The following ZNF716 variants were observed in gnomAD, a reference collection of about 807,000 sequenced individuals.
ZNF716 encodes the protein zinc finger protein 716.
In ZNF716, 9 loss-of-function variants were observed where a neutral mutation model predicts 13.4. That is an observed-to-expected ratio of 0.67 (90% CI 0.41 to 1.18). The LOEUF (loss-of-function observed/expected upper bound fraction) is 1.18. Ranked by LOEUF, ZNF716 falls within the 50% of genes most tolerant of loss-of-function variation. ZNF716 has a pLI of 0.01. For missense variants in ZNF716, 581 were observed against 576.6 expected (o/e 1.01, Z -0.08); for synonymous variants, 186 against 195.2 (o/e 0.95, Z 0.39).
intron 1 of ZNF716, among the ~76,000 whole-genome samples, chr7:57,458,856 T>C (rs1789652839): frequency 6.6e-6 from 1 of 152,250 alleles, no homozygotes; most frequent in Non-Finnish European, 1.5e-5. Context: ...TCTTTTTGAA[T>C]TCTTTTAATT....
At chr7:57,461,288 A>G (rs1215957759) in intron 1 of ZNF716, among the ~76,000 whole-genome samples, 8 of 152,124 alleles carry the variant, frequency 5.3e-5, no homozygotes, top group Non-Finnish European at 1.0e-4. Context: ...TAAAATATAT[A>G]TAGTTACAAT....
chr7:57,452,006 A>C (rs531783175), intron 1 of ZNF716, among the ~76,000 whole-genome samples: 4 of 152,142 alleles, frequency 2.6e-5, no homozygotes, highest in Non-Finnish European at 5.9e-5. Flanking sequence ...ACCTCAGGTG[A>C]TCTGGCCATC....
Position 57,468,953 on chromosome 7 carries a change from A to C in ZNF716, c.492A>C (p.Lys164Asn), listed in dbSNP as rs782720409. Reference sequence around the variant, plus strand: ...CATTTCAGACTCATAAATGCGTCAAAGTCTTTGGTAAATTTTCAAATTCCA... The same window carrying C: ...CATTTCAGACTCATAAATGCGTCAACGTCTTTGGTAAATTTTCAAATTCCA... ...NKTFQTHKCV[K>N]VFGKFSNSNR... The change falls in exon 4 of 4, where the codon AAA (lysine) becomes AAC (asparagine). Residue 164 changes from lysine to asparagine, a missense_variant. Physicochemically the swap from Lys to Asn is moderately conservative, Grantham distance 94. Coordinates refer to ENST00000420713, the MANE Select transcript of ZNF716 (RefSeq NM_001159279.1). 1.2e-5 allele frequency: 19 copies of C among 1,609,728 alleles called. No homozygotes were observed. The highest frequency in any genetic ancestry group is 1.4e-5 in the Non-Finnish European group (17 of 1,177,654).
At position 57,468,798 on chromosome 7, in the gene ZNF716, A is replaced by G; in HGVS notation, c.337A>G (p.Arg113Gly). 6.2e-7 allele frequency: 1 copy of G among 1,613,714 alleles called. No individual in the cohort carries two copies. The change falls in exon 4 of 4, where the codon AGA becomes GGA. Residue 113 changes from arginine to glycine, a missense_variant. Physicochemically the swap from Arg to Gly is moderately radical, Grantham distance 125. Transcript: ENST00000420713. ...IKDSLQKVIL[R>G]RYGKCGQEDL... The stretch of plus-strand genomic sequence containing the variant: ...AGATTCACTCCAAAAAGTGATACTG[A>G]GAAGATATGGAAAATGTGGACAGGA...
At chr7:57,459,304 C>CTTAATAAACATTGTA in intron 1 of ZNF716, among the ~76,000 whole-genome samples, 1 of 147,626 alleles carries the variant, frequency 6.8e-6, no homozygotes, top group South Asian at 2.2e-4. Flanking sequence ...ACAGTACCTG[C>CTTAATAAACATTGTA]TTAGTACATG....
chr7:57,451,602 C>T (rs1386153633), intron 1 of ZNF716, among the ~76,000 whole-genome samples: 5 of 151,644 alleles, frequency 3.3e-5, no homozygotes, highest in Non-Finnish European at 7.4e-5. Flanking sequence ...CACCCGCCAC[C>T]ATGCCTGGCT....
chr7:57,468,593 G>T, intron 3 of ZNF716, 131 bp from the exon 4 acceptor site: 1 of 905,832 alleles, frequency 1.1e-6, no homozygotes, highest in East Asian at 2.8e-5. Flanking sequence ...ATCTATGAAG[G>T]AATTACGGCT....
In ZNF716 at chr7:57,463,580, T is replaced by A. The variant is rs144126117; in HGVS notation, c.262+412T>A. 3.7e-3 allele frequency among the ~76,000 whole-genome samples: 565 copies of A among 152,288 alleles called. 6 individuals carry two copies. Among genetic ancestry groups the A allele is most frequent in the African/African-American group, 0.013 (530 of 41,570 alleles). ...TAGTAGTTTCTGTTTCATTGGAGGT[T>A]GTCCATTTTTCTGCACATGCCATTC... On this transcript the variant is annotated intron_variant, in intron 3 of 3. Coordinates refer to ENST00000420713, the MANE Select transcript of ZNF716 (RefSeq NM_001159279.1).
intron 1 of ZNF716, among the ~76,000 whole-genome samples, chr7:57,458,652 AC>A (rs1361033874): frequency 6.6e-6 from 1 of 152,068 alleles, no homozygotes; most frequent in Non-Finnish European, 1.5e-5. Context: ...GGAACTCCTG[AC>A]CTTGTGATCC....
intron 3 of ZNF716, among the ~76,000 whole-genome samples, chr7:57,464,983 A>G (rs10251827): frequency 0.012 from 1,831 of 152,200 alleles, 43 homozygotes; most frequent in African/African-American, 0.042. Context: ...GCAGCTTTTT[A>G]TTATGATTTG....
Position 57,469,158 on chromosome 7 carries a change from AG to A in ZNF716, c.698del (p.Arg233LysfsTer112), listed in dbSNP as rs782115394. The A allele has an allele frequency of 7.8e-5, 126 of 1,612,108 alleles. 1 individual carries two copies. The highest frequency in any genetic ancestry group is 9.7e-5 in the Non-Finnish European group (114 of 1,179,088). On this transcript the variant is annotated frameshift_variant, in exon 4 of 4. Coordinates refer to ENST00000420713, the MANE Select transcript of ZNF716 (RefSeq NM_001159279.1). LOFTEE classifies it low-confidence loss of function (END_TRUNC). ...NCSSTLTRHK[R>X]IHTGEKPYRC... ...CTCTTCAACCCTTACTAGACATAAA[AG>A]AATTCATACTGGAGAGAAACCCTAC...
At chr7:57,465,753 A>G (rs1789797453) in intron 3 of ZNF716, among the ~76,000 whole-genome samples, 1 of 152,188 alleles carries the variant, frequency 6.6e-6, no homozygotes, top group Non-Finnish European at 1.5e-5. Flanking sequence ...TTGCGGCACT[A>G]TTCACAATAG....
At position 57,469,929 on chromosome 7, in the gene ZNF716, A is replaced by C. The variant is rs782065934; in HGVS notation, c.1468A>C (p.Lys490Gln). 2.6e-4 allele frequency: 414 copies of C among 1,564,620 alleles called. No individual in the cohort carries two copies. Among genetic ancestry groups the C allele is most frequent in the Admixed American group, 7.5e-4 (39 of 51,838 alleles). The change falls in exon 4 of 4, where the codon AAA becomes CAA. Residue 490 changes from lysine to glutamine, a missense_variant. Coordinates refer to ENST00000420713, the MANE Select transcript of ZNF716 (RefSeq NM_001159279.1). Reference sequence around the variant, plus strand: ...TCATAAGAATATGCATACTGGAGAGAAACCCTACAAATATGAATAATGTGG... The same window carrying C: ...TCATAAGAATATGCATACTGGAGAGCAACCCTACAAATATGAATAATGTGG... Reference protein sequence around the residue: ...ANHKNMHTGEKPYKYE With the variant: ...ANHKNMHTGEQPYKYE
chr7:57,454,882 C>T (rs1789559420), intron 1 of ZNF716, among the ~76,000 whole-genome samples: 1 of 151,946 alleles, frequency 6.6e-6, no homozygotes, highest in Admixed American at 6.6e-5. Context: ...AAACATTAGC[C>T]AGGCGTGGTG....
intron 1 of ZNF716, among the ~76,000 whole-genome samples, chr7:57,460,555 A>T (rs1408578768): frequency 3.6e-4 from 55 of 151,760 alleles, no homozygotes; most frequent in African/African-American, 1.3e-3. Context: ...TGAAAAAAAT[A>T]TTTTTTTTCT....
chr7:57,462,994 C>A, intron 2 of ZNF716, 79 bp from the exon 3 acceptor site: 1 of 1,543,464 alleles, frequency 6.5e-7, no homozygotes, highest in Non-Finnish European at 8.7e-7. Flanking sequence ...ATCATATCCT[C>A]TTTACTAAGC....
chr7:57,455,514 T>TTTTA (rs575680506), intron 1 of ZNF716, among the ~76,000 whole-genome samples: 6 of 151,906 alleles, frequency 3.9e-5, no homozygotes, highest in South Asian at 2.1e-4. Flanking sequence ...GGATGGAGAA[T>TTTTA]TTTATTTATT....
At chr7:57,467,728 T>C (rs1789840716) in intron 3 of ZNF716, among the ~76,000 whole-genome samples, 1 of 152,138 alleles carries the variant, frequency 6.6e-6, no homozygotes, top group Non-Finnish European at 1.5e-5. Flanking sequence ...GTTTAGCTTC[T>C]TCATTAAATG....
chr7:57,456,182 C>T (rs370814348), intron 1 of ZNF716, among the ~76,000 whole-genome samples: 1 of 151,924 alleles, frequency 6.6e-6, no homozygotes, highest in African/African-American at 2.4e-5. Context: ...TCTTGAACTC[C>T]TGACCTCATG....
Sources: allele counts gnomAD v4.1 joint callset (sites outside exome capture counted in the v4.1 genomes callset), GRCh38; gene constraint gnomAD v4.1.1; transcripts MANE v1.5; gene names NCBI Gene and HGNC (gene_info 2026-07-23, HGNC 2026-07-21).